The following AFAP1 variants were observed in gnomAD, a reference collection of about 807,000 sequenced individuals.
AFAP1 encodes actin filament-associated protein 1.
AFAP1 carries 75 observed loss-of-function variants against 93.9 expected under a neutral mutation model. That is an observed-to-expected ratio of 0.80 (90% CI 0.66 to 0.97). The LOEUF is 0.97. AFAP1 is among the 50% of genes least tolerant of loss of function. AFAP1 has a pLI of 0.00. For synonymous variants in AFAP1, 517 were observed against 430.7 expected (o/e 1.20, Z -2.48); for missense variants, 1,201 against 1,050.8 (o/e 1.14, Z -1.98).
chr4:7,806,424 T>C (rs1719520880), intron 9 of AFAP1, among the ~76,000 whole-genome samples: 1 of 152,092 alleles, frequency 6.6e-6, no homozygotes, highest in African/African-American at 2.4e-5. Context: ...CTGACCCAGC[T>C]GCACTGTGTG....
chr4:7,868,087 TA>T (rs539709817), intron 3 of AFAP1, among the ~76,000 whole-genome samples: 178 of 142,294 alleles, frequency 1.3e-3, no homozygotes, highest in Non-Finnish European at 1.2e-3. Flanking sequence ...ATCGCCAGAT[TA>T]AAAAAAAAAA....
chr4:7,814,444 T>C (rs1050242647), intron 8 of AFAP1, among the ~76,000 whole-genome samples: 1 of 152,090 alleles, frequency 6.6e-6, no homozygotes, highest in African/African-American at 2.4e-5. Flanking sequence ...AATGAAAACA[T>C]ATGTCCACGC....
intron 6 of AFAP1, among the ~76,000 whole-genome samples, chr4:7,824,353 C>T (rs1371614004): frequency 6.6e-6 from 1 of 152,038 alleles, no homozygotes; most frequent in Non-Finnish European, 1.5e-5. Context: ...CTGACCACTC[C>T]GTTTCTGGGA....
chr4:7,904,958 TC>T (rs1307284158), intron 1 of AFAP1, among the ~76,000 whole-genome samples: 1 of 152,150 alleles, frequency 6.6e-6, no homozygotes, highest in African/African-American at 2.4e-5. Context: ...TCCTCCCAGC[TC>T]GGCCTCCCAA....
intron 7 of AFAP1, among the ~76,000 whole-genome samples, chr4:7,816,361 T>C (rs1050462368): frequency 6.6e-6 from 1 of 152,216 alleles, no homozygotes; most frequent in East Asian, 1.9e-4. Context: ...TACTGTCTCA[T>C]GCCTATTTCA....
intron 1 of AFAP1, among the ~76,000 whole-genome samples, chr4:7,932,969 G>C (rs568338133): frequency 7.5e-6 from 1 of 133,660 alleles, no homozygotes; most frequent in East Asian, 2.2e-4. Flanking sequence ...GTGGTGAGCC[G>C]AGATCGCGCC....
rs58075483 is a variant in AFAP1 at position 7,827,569 on chromosome 4, CAAAAAAAAAAA to C, written c.727-8409_727-8399del. Among the ~76,000 whole-genome samples, 12 of 52,246 alleles carry C rather than the reference CAAAAAAAAAAA, an allele frequency of 2.3e-4. 1 individual carries two copies. In the South Asian group the frequency reaches 2.4e-3, roughly 10 times the overall value. 34.3% of individuals were successfully genotyped at this position (52,246 alleles called of 152,430 possible). A position where few individuals can be genotyped will look rare whatever the true frequency, so the allele number is the denominator to read the frequency against. ...ATGAACAAGAGTGAAACTCTGTCTC[CAAAAAAAAAAA>C]AAAAAAAAAAGGGAGAGGAGAGAAA... On this transcript the variant is annotated intron_variant, in intron 6 of 17. Transcript: ENST00000420658.
intron 1 of AFAP1, among the ~76,000 whole-genome samples, chr4:7,930,303 T>TCC (rs780343351): frequency 1.3e-5 from 2 of 151,972 alleles, no homozygotes; most frequent in Non-Finnish European, 2.9e-5. Context: ...CCAGAAGCTC[T>TCC]CCAAACCCAA....
intron 1 of AFAP1, among the ~76,000 whole-genome samples, chr4:7,899,372 G>C (rs1051171657): frequency 1.3e-5 from 2 of 152,146 alleles, no homozygotes; most frequent in African/African-American, 4.8e-5. Flanking sequence ...AACAGTGGCT[G>C]GGTGAATGAC....
rs1268677208 is a variant in AFAP1 at position 7,760,038 on chromosome 4, G to A, written c.*3727C>T. The stretch of plus-strand genomic sequence containing the variant: ...AATAGCCTTTTTGGAAAGGGAAGGT[G>A]TGGCCACAAACAGGGGAGCTTTGCT... On this transcript the variant is annotated 3_prime_UTR_variant, in exon 18 of 18. Coordinates refer to ENST00000420658, the MANE Select transcript of AFAP1 (RefSeq NM_001134647.2). 1 of 152,246 alleles carries A rather than the reference G, an allele frequency of 6.6e-6. No homozygotes were observed. Among genetic ancestry groups the A allele is most frequent in the Non-Finnish European group, 1.5e-5 (1 of 68,038 alleles). 9.4% of individuals were successfully genotyped at this position (152,246 alleles called of 1,614,324 possible). A position where few individuals can be genotyped will look rare whatever the true frequency, so the allele number is the denominator to read the frequency against.
chr4:7,777,581 G>T (rs1479024706), intron 14 of AFAP1: 1 of 152,218 alleles, frequency 6.6e-6, no homozygotes, highest in Admixed American at 6.5e-5. Flanking sequence ...GCTGGTGTGG[G>T]GGTTACCACC....
chr4:7,799,510 G>A (rs906103239), intron 10 of AFAP1, among the ~76,000 whole-genome samples: 5 of 152,170 alleles, frequency 3.3e-5, no homozygotes, highest in Admixed American at 6.5e-5. Flanking sequence ...CCCACACCAG[G>A]TGAGTTTCTG....
intron 17 of AFAP1, among the ~76,000 whole-genome samples, chr4:7,764,388 A>G (rs1471569309): frequency 7.1e-6 from 1 of 141,332 alleles, no homozygotes; most frequent in South Asian, 2.4e-4. Flanking sequence ...TATTTCAAAA[A>G]ATATAAAAAA....
At chr4:7,812,401 C>T (rs114291473) in intron 8 of AFAP1, among the ~76,000 whole-genome samples, 3,243 of 152,152 alleles carry the variant, frequency 0.021, 120 homozygotes, top group African/African-American at 0.074. Context: ...GAAATGAGAT[C>T]ATAATTAAAA....
intron 3 of AFAP1, among the ~76,000 whole-genome samples, chr4:7,861,221 T>G (rs1456824574): frequency 1.3e-5 from 2 of 152,222 alleles, no homozygotes; most frequent in Non-Finnish European, 2.9e-5. Context: ...GGGCTCCAGT[T>G]CCATTTCTAT....
intron 8 of AFAP1, among the ~76,000 whole-genome samples, chr4:7,810,407 CT>C (rs1719906283): frequency 6.6e-6 from 1 of 152,222 alleles, no homozygotes. Flanking sequence ...AAAAACATCA[CT>C]GACGCAAAAG....
intron 11 of AFAP1, among the ~76,000 whole-genome samples, chr4:7,790,897 C>A (rs1717805692): frequency 6.6e-6 from 1 of 152,150 alleles, no homozygotes; most frequent in Non-Finnish European, 1.5e-5. Flanking sequence ...ACAATCTGTG[C>A]AAGACTAGTT....
In AFAP1 at chr4:7,786,329, C is replaced by A. The variant is rs773360953; in HGVS notation, c.1413-18G>T. ...TCATGAAACTGAAAGAAAGGAAATG[C>A]GTTAAAATCCATAACCTGACCACCT... On this transcript the variant is annotated intron_variant, in intron 11 of 17. Transcript: ENST00000420658. The A allele has an allele frequency of 7.5e-6, 12 of 1,596,556 alleles. No individual in the cohort carries two copies. The highest frequency in any genetic ancestry group is 4.0e-5 in the African/African-American group (3 of 74,544).
At position 7,816,117 on chromosome 4, in the gene AFAP1, T is replaced by A; in HGVS notation, c.823-18A>T. On this transcript the variant is annotated intron_variant, in intron 7 of 17. Transcript: ENST00000420658. ...GACAGTTTCTGTAAGGAGAAAAAGA[T>A]TAAGTTATTCTTACAGTGGTCACTT... is the stretch of plus-strand genomic sequence containing the variant. The A allele has an allele frequency of 6.2e-7, 1 of 1,600,604 alleles. No individual in the cohort carries two copies. Among genetic ancestry groups the A allele is most frequent in the Non-Finnish European group, 8.5e-7 (1 of 1,172,028 alleles).
Sources: gnomAD v4.1 joint callset for allele counts (sites outside exome capture counted in the v4.1 genomes callset) on GRCh38, gnomAD v4.1.1 for gene constraint, MANE v1.5 for transcripts, NCBI Gene and HGNC (gene_info 2026-07-23, HGNC 2026-07-21) for gene names.